The following LRRIQ3 variants were observed in gnomAD, a reference collection of about 807,000 sequenced individuals.
LRRIQ3 encodes the protein leucine-rich repeat and IQ domain-containing protein 3.
In LRRIQ3, 75 loss-of-function variants were observed where a neutral mutation model predicts 59.3. The observed-to-expected ratio is 1.26, with a 90% CI of 1.05 to 1.53. The LOEUF is 1.53. Among genes scored for constraint, LRRIQ3 ranks in the 40% most tolerant of loss-of-function variants. LRRIQ3 has a pLI of 0.00. For synonymous variants in LRRIQ3, 250 were observed against 231.3 expected (o/e 1.08, Z -0.73); for missense variants, 831 against 710.0 (o/e 1.17, Z -1.94).
chr1:74,056,319 G>T (rs1403329586), intron 6 of LRRIQ3, among the ~76,000 whole-genome samples: 1 of 151,998 alleles, frequency 6.6e-6, no homozygotes, highest in Non-Finnish European at 1.5e-5. Flanking sequence ...AAAAAGATAA[G>T]GATGCCCACT....
chr1:74,091,493 G>T (rs1288737101), intron 5 of LRRIQ3, among the ~76,000 whole-genome samples: 1 of 151,692 alleles, frequency 6.6e-6, no homozygotes, highest in East Asian at 1.9e-4. Flanking sequence ...CTGCAGGAAA[G>T]AACAAAAAAT....
intron 6 of LRRIQ3, among the ~76,000 whole-genome samples, chr1:74,054,062 C>T (rs1412314427): frequency 6.6e-6 from 1 of 152,102 alleles, no homozygotes; most frequent in African/African-American, 2.4e-5. Flanking sequence ...GTACAAAAAC[C>T]TGCACATGGA....
At chr1:74,088,814 A>G (rs888360662) in intron 5 of LRRIQ3, among the ~76,000 whole-genome samples, 4 of 151,962 alleles carry the variant, frequency 2.6e-5, no homozygotes, top group South Asian at 2.1e-4. Flanking sequence ...AAAAATATAA[A>G]TGTAAGTTTA....
intron 7 of LRRIQ3, among the ~76,000 whole-genome samples, chr1:74,033,426 T>C (rs1455450851): frequency 6.6e-6 from 1 of 151,992 alleles, no homozygotes; most frequent in Non-Finnish European, 1.5e-5. Context: ...GGTGTCACCA[T>C]ATATTTGGAG....
chr1:74,167,591 C>T (rs1019347432), intron 3 of LRRIQ3, among the ~76,000 whole-genome samples: 1 of 151,514 alleles, frequency 6.6e-6, no homozygotes, highest in Non-Finnish European at 1.5e-5. Flanking sequence ...ATACAATGGA[C>T]TTTGGGGACT....
At chr1:74,046,075 A>G (rs1451935935) in intron 6 of LRRIQ3, among the ~76,000 whole-genome samples, 2 of 152,194 alleles carry the variant, frequency 1.3e-5, no homozygotes, top group African/African-American at 2.4e-5. Context: ...TCAGGCTACC[A>G]TTGACTTTCT....
At chr1:74,131,465 A>C (rs1191880060) in intron 4 of LRRIQ3, among the ~76,000 whole-genome samples, 1 of 152,202 alleles carries the variant, frequency 6.6e-6, no homozygotes, top group Non-Finnish European at 1.5e-5. Context: ...ACATCAATGC[A>C]AAATTCCTCG....
At chr1:74,129,961 GCCC>G in intron 4 of LRRIQ3, among the ~76,000 whole-genome samples, 1 of 149,802 alleles carries the variant, frequency 6.7e-6, no homozygotes, top group South Asian at 2.1e-4. Flanking sequence ...TATCAAAGTT[GCCC>G]CCCCACCAAA....
intron 3 of LRRIQ3, among the ~76,000 whole-genome samples, chr1:74,176,639 C>A: frequency 1.2e-4 from 1 of 8,438 alleles, no homozygotes; most frequent in East Asian, 3.8e-3. Context: ...GTTCATTTCT[C>A]AGTATTTTTT....
chr1:74,150,543 A>G (rs555286631), intron 4 of LRRIQ3, among the ~76,000 whole-genome samples: 2 of 152,218 alleles, frequency 1.3e-5, no homozygotes, highest in East Asian at 3.9e-4. Flanking sequence ...TATTTTAATC[A>G]TATTTACTGG....
intron 4 of LRRIQ3, among the ~76,000 whole-genome samples, chr1:74,128,912 T>A (rs1646973036): frequency 6.6e-6 from 1 of 152,066 alleles, no homozygotes; most frequent in Admixed American, 6.6e-5. Context: ...AAGAATTATC[T>A]GGATTGCAAA....
At chr1:74,146,542 C>T (rs1163006490) in intron 4 of LRRIQ3, among the ~76,000 whole-genome samples, 1 of 152,112 alleles carries the variant, frequency 6.6e-6, no homozygotes, top group Non-Finnish European at 1.5e-5. Context: ...AGGTAGTGCA[C>T]ATTTGTATAT....
intron 4 of LRRIQ3, among the ~76,000 whole-genome samples, chr1:74,139,826 A>G (rs1260345260): frequency 6.6e-6 from 1 of 151,982 alleles, no homozygotes; most frequent in East Asian, 1.9e-4. Context: ...TAAAATTTTT[A>G]TATGGTCAAG....
chr1:74,191,555 C>A (rs531629634), intron 1 of LRRIQ3, among the ~76,000 whole-genome samples: 10 of 151,998 alleles, frequency 6.6e-5, no homozygotes, highest in African/African-American at 2.4e-4. Flanking sequence ...TAAAACATGC[C>A]TTATCAAATT....
chr1:74,156,528 A>G (rs1648338992), intron 3 of LRRIQ3, among the ~76,000 whole-genome samples: 1 of 152,114 alleles, frequency 6.6e-6, no homozygotes, highest in Non-Finnish European at 1.5e-5. Context: ...ATTAAAGATT[A>G]TTTTCCCAAT....
chr1:74,112,611 G>T (rs1033176458), intron 4 of LRRIQ3, among the ~76,000 whole-genome samples: 11 of 152,106 alleles, frequency 7.2e-5, no homozygotes, highest in African/African-American at 2.7e-4. Flanking sequence ...CACTGGGTTT[G>T]ATACTAAAAA....
intron 4 of LRRIQ3, among the ~76,000 whole-genome samples, chr1:74,131,408 C>A (rs1177757343): frequency 6.6e-6 from 1 of 152,064 alleles, no homozygotes; most frequent in Non-Finnish European, 1.5e-5. Flanking sequence ...CAAAGCCTGG[C>A]AGAGACACAA....
At chr1:74,050,434 A>G (rs191330142) in intron 6 of LRRIQ3, 3 of 758,282 alleles carry the variant, frequency 4.0e-6, no homozygotes, top group East Asian at 1.3e-4. Context: ...CAACTGGATC[A>G]TATCAGCCAA....
At chr1:74,121,422 G>A (rs923458884) in intron 4 of LRRIQ3, among the ~76,000 whole-genome samples, 8 of 152,128 alleles carry the variant, frequency 5.3e-5, no homozygotes, top group Non-Finnish European at 8.8e-5. Context: ...CTAGGCTTGC[G>A]CTGACTGCTG....
Sources: gnomAD v4.1 joint callset for allele counts (sites outside exome capture counted in the v4.1 genomes callset) on GRCh38, gnomAD v4.1.1 for gene constraint, MANE v1.5 for transcripts, NCBI Gene and HGNC (gene_info 2026-07-23, HGNC 2026-07-21) for gene names.